Variants in PPARG observed in about 807,000 individuals in gnomAD.
PPARG encodes peroxisome proliferator-activated receptor gamma.
In PPARG, 17 loss-of-function variants were observed where a neutral mutation model predicts 39.2. The ratio of observed to expected loss-of-function variants is 0.43; its 90% confidence interval spans 0.30 to 0.65. PPARG has a LOEUF of 0.65. Among genes scored for constraint, PPARG ranks in the 30% least tolerant of loss-of-function variants. The pLI is 0.13. For missense variants in PPARG, 406 were observed against 585.9 expected (o/e 0.69, Z 3.17); for synonymous variants, 223 against 215.7 (o/e 1.03, Z -0.30).
At chr3:12,410,492 C>G (rs1292142557) in intron 6 of PPARG, among the ~76,000 whole-genome samples, 1 of 152,210 alleles carries the variant, frequency 6.6e-6, no homozygotes, top group African/African-American at 2.4e-5. Context: ...GCCAACTTTT[C>G]ACCCCTATCT....
intron 2 of PPARG, among the ~76,000 whole-genome samples, chr3:12,340,654 G>A (rs1336579359): frequency 6.6e-6 from 1 of 152,142 alleles, no homozygotes; most frequent in Non-Finnish European, 1.5e-5. Flanking sequence ...CTAGATGGTT[G>A]GAATGTGGTT....
intron 1 of PPARG, among the ~76,000 whole-genome samples, chr3:12,296,542 T>C (rs2046791268): frequency 1.3e-5 from 2 of 152,178 alleles, no homozygotes; most frequent in Non-Finnish European, 2.9e-5. Context: ...CCCTTGCTTA[T>C]GGTTAAGTTC....
intron 1 of PPARG, among the ~76,000 whole-genome samples, chr3:12,291,632 A>G (rs1336916246): frequency 1.3e-5 from 2 of 152,206 alleles, no homozygotes; most frequent in Non-Finnish European, 2.9e-5. Flanking sequence ...GCAATAGGCC[A>G]TGTTTTGGGG....
At chr3:12,297,802 CTTTA>C (rs1291539814) in intron 1 of PPARG, 1 of 151,938 alleles carries the variant, frequency 6.6e-6, no homozygotes. Flanking sequence ...GCCCTTCTCT[CTTTA>C]TTTTTTTCTA....
intron 2 of PPARG, among the ~76,000 whole-genome samples, chr3:12,336,857 AG>A (rs2048026399): frequency 6.6e-6 from 1 of 152,222 alleles, no homozygotes. Flanking sequence ...CTCAAAGTAA[AG>A]CAAGGGGGCT....
intron 1 of PPARG, among the ~76,000 whole-genome samples, chr3:12,309,524 T>C (rs1482154895): frequency 3.3e-5 from 5 of 152,230 alleles, no homozygotes; most frequent in Non-Finnish European, 7.3e-5. Flanking sequence ...GGTTTTAATA[T>C]CAGTGTTATG....
At chr3:12,360,513 T>A (rs1260192378) in intron 2 of PPARG, among the ~76,000 whole-genome samples, 1 of 144,966 alleles carries the variant, frequency 6.9e-6, no homozygotes, top group Non-Finnish European at 1.5e-5. Flanking sequence ...ATAATATACT[T>A]AGAGGAAAAA....
intron 2 of PPARG, among the ~76,000 whole-genome samples, chr3:12,321,441 C>T (rs1300023913): frequency 6.6e-6 from 1 of 152,178 alleles, no homozygotes; most frequent in Non-Finnish European, 1.5e-5. Context: ...CCAAATGCTA[C>T]AGGGTGGAGG....
intron 1 of PPARG, among the ~76,000 whole-genome samples, chr3:12,306,480 T>C (rs1204767765): frequency 1.3e-5 from 2 of 152,058 alleles, no homozygotes; most frequent in East Asian, 3.9e-4. Flanking sequence ...AAACTAGGAT[T>C]TGAACCCAGA....
intron 2 of PPARG, among the ~76,000 whole-genome samples, chr3:12,365,425 G>T (rs1373877775): frequency 1.3e-5 from 2 of 152,030 alleles, no homozygotes; most frequent in African/African-American, 4.8e-5. Flanking sequence ...TCATGTCTCT[G>T]GTGGTGTATC....
intron 1 of PPARG, among the ~76,000 whole-genome samples, chr3:12,297,261 G>C (rs1322780903): frequency 1.3e-5 from 2 of 152,124 alleles, no homozygotes; most frequent in African/African-American, 4.8e-5. Flanking sequence ...TATTTAAAAA[G>C]TAGGATAAAA....
At chr3:12,415,302 G>C (rs1278323465) in intron 6 of PPARG, among the ~76,000 whole-genome samples, 2 of 152,172 alleles carry the variant, frequency 1.3e-5, no homozygotes, top group African/African-American at 4.8e-5. Context: ...AGAAATTTAA[G>C]GCCTAGGAAA....
intron 2 of PPARG, among the ~76,000 whole-genome samples, chr3:12,331,772 A>G (rs138567960): frequency 2.6e-5 from 4 of 152,332 alleles, no homozygotes; most frequent in East Asian, 1.9e-4. Context: ...TGGGCCTTCA[A>G]TTATGACTCC....
chr3:12,424,931 A>G (rs1333344704), intron 7 of PPARG, among the ~76,000 whole-genome samples: 1 of 152,200 alleles, frequency 6.6e-6, no homozygotes, highest in Non-Finnish European at 1.5e-5. Flanking sequence ...TGTTCAGCAC[A>G]CAATAAATGC....
intron 5 of PPARG, among the ~76,000 whole-genome samples, chr3:12,397,775 T>G (rs951710658): frequency 6.6e-6 from 1 of 151,974 alleles, no homozygotes; most frequent in Non-Finnish European, 1.5e-5. Flanking sequence ...AATCTTAACT[T>G]TCAGAAAAGG....
At chr3:12,404,417 A>G (rs1365133101) in intron 5 of PPARG, among the ~76,000 whole-genome samples, 1 of 152,230 alleles carries the variant, frequency 6.6e-6, no homozygotes, top group African/African-American at 2.4e-5. Context: ...GGAAAATCCA[A>G]GGTAATATTC....
chr3:12,423,906 A>G (rs1048734362), intron 7 of PPARG, among the ~76,000 whole-genome samples: 1 of 152,154 alleles, frequency 6.6e-6, no homozygotes, highest in Non-Finnish European at 1.5e-5. Context: ...CCTGTCCCCT[A>G]TCTGGGCTAC....
At chr3:12,371,717 A>G in intron 2 of PPARG, 1 of 456,978 alleles carries the variant, frequency 2.2e-6, no homozygotes, top group African/African-American at 2.0e-5. Context: ...TGCCAGGCTC[A>G]GAGGAGCCAA....
chr3:12,343,399 C>A (rs1324508072), intron 2 of PPARG, among the ~76,000 whole-genome samples: 1 of 152,168 alleles, frequency 6.6e-6, no homozygotes, highest in Non-Finnish European at 1.5e-5. Flanking sequence ...CTCTGTTCAT[C>A]TCTGAATATC....
Sources: allele counts gnomAD v4.1 joint callset (sites outside exome capture counted in the v4.1 genomes callset), GRCh38; gene constraint gnomAD v4.1.1; transcripts MANE v1.5; gene names NCBI Gene and HGNC (gene_info 2026-07-23, HGNC 2026-07-21).